KMT2C: variants seen among roughly 807,000 people sequenced by gnomAD.
The protein encoded by KMT2C is histone-lysine N-methyltransferase 2C.
KMT2C carries 88 observed loss-of-function variants against 507.9 expected under a neutral mutation model. That is an observed-to-expected ratio of 0.17 (90% CI 0.15 to 0.21). The LOEUF is 0.21. Among genes scored for constraint, KMT2C ranks in the 10% least tolerant of loss-of-function variants. The probability of loss-of-function intolerance (pLI) is 1.00; values close to 1 mark genes in which losing one functional copy is unlikely to be tolerated. For synonymous variants in KMT2C, 2,049 were observed against 2,080.8 expected, an observed-to-expected ratio of 0.98 and a Z score of 0.42; for missense variants, 4,954 against 5,957.8, an observed-to-expected ratio of 0.83 and a Z score of 5.55.
chr7:152,377,507 G>A (rs2097338200), intron 1 of KMT2C, among the ~76,000 whole-genome samples: 1 of 152,220 alleles, frequency 6.6e-6, no homozygotes, highest in African/African-American at 2.4e-5. Flanking sequence ...TGCCAAGGCA[G>A]GCGGATCACT....
rs552021375 is a variant in KMT2C, at chr7:152,330,859, C to T, written c.251-120G>A. On this transcript the variant is annotated intron_variant, in intron 2 of 58. Coordinates refer to ENST00000262189, the MANE Select transcript of KMT2C (RefSeq NM_170606.3). ...AAAGAAACAACAAATAACAATATTT[C>T]ACTAACACAAGAAAAGTTCATGCAC... 5.9e-5 allele frequency: 55 copies of T among 929,084 alleles called. No homozygotes were observed. The African/African-American group carries it at 7.5e-4, about 13-fold the overall frequency. The allele number at this position is 929,084 out of a possible 1,614,324, so 57.6% of individuals were successfully genotyped here.
intron 1 of KMT2C, among the ~76,000 whole-genome samples, chr7:152,415,555 G>T (rs1316164627): frequency 1.3e-5 from 2 of 152,112 alleles, no homozygotes; most frequent in East Asian, 3.9e-4. Context: ...GACAAAACAC[G>T]ACTGGGCAAT....
In KMT2C at chr7:152,195,931, G is replaced by T. The variant is rs566020227; in HGVS notation, c.4354C>A (p.Leu1452Ile). 1.9e-6 allele frequency: 3 copies of T among 1,602,228 alleles called. No individual in the cohort carries two copies. The highest frequency in any genetic ancestry group is 2.7e-5 in the African/African-American group (2 of 74,628). Residue 1452 changes from leucine to isoleucine, a missense_variant, in exon 28 of 59, where the codon CTA (leucine) becomes ATA (isoleucine). By Grantham distance (5) the Leu-to-Ile change is conservative. This residue lies in a region of KMT2C where 140 missense variants were observed against 118.4 expected (regional missense o/e 1.18). Coordinates refer to ENST00000262189, the MANE Select transcript of KMT2C (RefSeq NM_170606.3). Reference protein sequence around the residue: ...DDILGIISDDLAKSVDHSDIG... With the variant: ...DDILGIISDDIAKSVDHSDIG... ...CCTGAATGATCAACTGATTTTGCTA[G>T]ATCATCTGAAATTATTCCAAGAATG... is the stretch of plus-strand genomic sequence containing the variant.
intron 9 of KMT2C, among the ~76,000 whole-genome samples, chr7:152,261,562 A>G (rs2095778219): frequency 6.6e-6 from 1 of 152,220 alleles, no homozygotes; most frequent in African/African-American, 2.4e-5. Flanking sequence ...ATGAAAGCAT[A>G]AATTAACATA....
intron 28 of KMT2C, 117 bp from the exon 29 acceptor site, chr7:152,194,685 T>C (rs960565520): frequency 2.0e-5 from 13 of 660,938 alleles, no homozygotes; most frequent in African/African-American, 3.6e-5. Flanking sequence ...AGAAATAAAG[T>C]CTGTAATTCT....
At chr7:152,153,454 T>C (rs1324832243) in intron 48 of KMT2C, among the ~76,000 whole-genome samples, 1 of 152,216 alleles carries the variant, frequency 6.6e-6, no homozygotes, top group Non-Finnish European at 1.5e-5. Flanking sequence ...ATTACTTATG[T>C]TTGATATAAG....
chr7:152,343,846 A>G (rs932403340), intron 2 of KMT2C, among the ~76,000 whole-genome samples: 1 of 152,206 alleles, frequency 6.6e-6, no homozygotes, highest in Non-Finnish European at 1.5e-5. Context: ...TCAGGCAAAC[A>G]AAAATTTAAG....
Position 152,144,779 on chromosome 7 carries a change from T to C in KMT2C, c.14277A>G (p.Ser4759=), listed in dbSNP as rs1328282670. 14 of 1,614,074 alleles carry C rather than the reference T, an allele frequency of 8.7e-6. No homozygotes were observed. The Admixed American group carries it at 2.2e-4, about 25-fold the overall frequency. Reference sequence around the variant, plus strand: ...CAGTTTTCATCTTCCGGTACTGCGATGACTTGGAGTGAACAAACTGTTTAC... The same window carrying C: ...CAGTTTTCATCTTCCGGTACTGCGACGACTTGGAGTGAACAAACTGTTTAC... ...PYSKQFVHSK[S]SQYRKMKTEW... Residue 4759 remains serine, a synonymous_variant, in exon 55 of 59, where the codon TCA becomes TCG. Coordinates refer to ENST00000262189, the MANE Select transcript of KMT2C (RefSeq NM_170606.3). This position sits in a 1 kb window ranked among gnomAD's most constrained non-coding sequence, Gnocchi z 4.4.
chr7:152,421,049 A>C (rs952503917), intron 1 of KMT2C, among the ~76,000 whole-genome samples: 1 of 151,976 alleles, frequency 6.6e-6, no homozygotes, highest in Non-Finnish European at 1.5e-5. Flanking sequence ...AAAAAAAAAC[A>C]AGCAAAAAAC....
At chr7:152,213,038 ACT>A (rs1309117637) in intron 23 of KMT2C, among the ~76,000 whole-genome samples, 2 of 152,188 alleles carry the variant, frequency 1.3e-5, no homozygotes, top group Admixed American at 6.5e-5. Context: ...ACAGAGCGTG[ACT>A]CTGTCTCAAA....
In KMT2C at chr7:152,142,106, C is replaced by T. The variant is rs17173350; in HGVS notation, c.14344-2315G>A. Among the ~76,000 whole-genome samples the T allele has an allele frequency of 6.9e-4, 105 of 152,206 alleles. No homozygotes were observed. In the East Asian group the frequency reaches 0.019, roughly 27 times the overall value. ...CAACTGGTTATCCAATGGAAGAAAG[C>T]GAAATTGTATTTTAAAAATGTTATG... On this transcript the variant is annotated intron_variant, in intron 55 of 58. Coordinates refer to ENST00000262189, the MANE Select transcript of KMT2C (RefSeq NM_170606.3).
intron 2 of KMT2C, among the ~76,000 whole-genome samples, chr7:152,358,261 A>G (rs578203687): frequency 1.3e-5 from 2 of 152,338 alleles, no homozygotes; most frequent in South Asian, 4.1e-4. Context: ...AACAAACACT[A>G]GATGGTTCAT....
chr7:152,416,939 T>C (rs1486528295), intron 1 of KMT2C, among the ~76,000 whole-genome samples: 2 of 149,720 alleles, frequency 1.3e-5, no homozygotes, highest in Admixed American at 6.7e-5. Context: ...ATCCCAGCTA[T>C]TCAGGGCGCT....
chr7:152,385,858 C>G (rs78022992), intron 1 of KMT2C, among the ~76,000 whole-genome samples: 1 of 151,056 alleles, frequency 6.6e-6, no homozygotes, highest in African/African-American at 2.4e-5. Context: ...GAGGCTGAGG[C>G]GGGTGAATCA....
In KMT2C at chr7:152,144,950, A is replaced by C. The variant is rs1313251545; in HGVS notation, c.14175-69T>G. Reference sequence around the variant, plus strand: ...CTGAAGATACCTCTGAGTAATGCCCAAAACCAGGTTAATTCAGATTCTTAC... The same window carrying C: ...CTGAAGATACCTCTGAGTAATGCCCCAAACCAGGTTAATTCAGATTCTTAC... On this transcript the variant is annotated intron_variant, in intron 54 of 58. Coordinates refer to ENST00000262189, the MANE Select transcript of KMT2C (RefSeq NM_170606.3). This position sits in a 1 kb window ranked among gnomAD's most constrained non-coding sequence, Gnocchi z 4.4. The C allele has an allele frequency of 3.4e-6, 5 of 1,483,948 alleles. No individual in the cohort carries two copies. The African/African-American group carries it at 7.0e-5, about 21-fold the overall frequency. 91.9% of individuals were successfully genotyped at this position (1,483,948 alleles called of 1,614,324 possible).
chr7:152,411,246 T>C (rs2097680102), intron 1 of KMT2C, among the ~76,000 whole-genome samples: 2 of 152,064 alleles, frequency 1.3e-5, no homozygotes, highest in Non-Finnish European at 2.9e-5. Flanking sequence ...ATTTTGGGGT[T>C]CTGGCCTTTT....
intron 1 of KMT2C, among the ~76,000 whole-genome samples, chr7:152,403,967 C>T (rs530848699): frequency 2.0e-5 from 3 of 151,774 alleles, no homozygotes; most frequent in African/African-American, 7.3e-5. Flanking sequence ...TGAATGGGTA[C>T]ACGTACATTA....
rs530189972 is a variant in KMT2C at position 152,382,403 on chromosome 7, C to T, written c.162-23728G>A. Among the ~76,000 whole-genome samples the T allele has an allele frequency of 5.3e-5, 8 of 152,162 alleles. No homozygotes were observed. In the East Asian group the frequency reaches 5.8e-4, roughly 11 times the overall value. On this transcript the variant is annotated intron_variant, in intron 1 of 58. Coordinates refer to ENST00000262189, the MANE Select transcript of KMT2C (RefSeq NM_170606.3). ...CTGAACTCCTTATCCTTCAAATCTA[C>T]CATCTTTTCAAAAACCCAAACACAG...
At chr7:152,351,136 G>T (rs2097107515) in intron 2 of KMT2C, among the ~76,000 whole-genome samples, 1 of 152,146 alleles carries the variant, frequency 6.6e-6, no homozygotes, top group Non-Finnish European at 1.5e-5. Context: ...GCTCCTGAAG[G>T]TTCTGCCTGA....
Sources: allele counts gnomAD v4.1 joint callset (sites outside exome capture counted in the v4.1 genomes callset), GRCh38; gene constraint gnomAD v4.1.1; regional missense constraint gnomAD v4.1.1; non-coding constraint Gnocchi (gnomAD v3.1); transcripts MANE v1.5; gene names NCBI Gene and HGNC (gene_info 2026-07-23, HGNC 2026-07-21).